Variants in CCDC149 observed in about 807,000 individuals in gnomAD.
The protein encoded by CCDC149 is coiled-coil domain containing 149.
A neutral mutation model predicts 59.9 loss-of-function variants in CCDC149; 45 were observed. The observed-to-expected ratio is 0.75, with a 90% CI of 0.59 to 0.96. The LOEUF (loss-of-function observed/expected upper bound fraction) is 0.96. CCDC149 is among the 40% of genes least tolerant of loss of function. The pLI is 0.00. For missense variants in CCDC149, 584 were observed against 664.7 expected (o/e 0.88, Z 1.33); for synonymous variants, 245 against 260.6 (o/e 0.94, Z 0.58).
rs1286497003 is a variant in CCDC149 at position 24,906,366 on chromosome 4, T to TTTTATTTTATTTTTATTTTATTTTA, written c.63+6450_63+6451insTAAAATAAAATAAAAATAAAATAAA. 1.4e-3 allele frequency among the ~76,000 whole-genome samples: 31 copies of TTTTATTTTATTTTTATTTTATTTTA among 22,046 alleles called. 3 individuals carry two copies. Among genetic ancestry groups the TTTTATTTTATTTTTATTTTATTTTA allele is most frequent in the South Asian group, 3.1e-3 (1 of 326 alleles). The allele number at this position is 22,046 out of a possible 152,430, so 14.5% of individuals were successfully genotyped here. A position where few individuals can be genotyped will look rare whatever the true frequency, so the allele number is the denominator to read the frequency against. On this transcript the variant is annotated intron_variant, in intron 1 of 12. Transcript: ENST00000635206. ...AGTAACTCAGGGGCAGCGGAACAAA[T>TTTTATTTTATTTTTATTTTATTTTA]TTTATTTTATTTTATTTTATTTTAT...
At chr4:24,934,726 A>G (rs1375918538) in intron 1 of CCDC149, among the ~76,000 whole-genome samples, 2 of 152,240 alleles carry the variant, frequency 1.3e-5, no homozygotes, top group Non-Finnish European at 2.9e-5. Context: ...AAGATGGTCT[A>G]GATGCACACT....
intron 3 of CCDC149, among the ~76,000 whole-genome samples, chr4:24,873,443 G>A (rs949904732): frequency 2.6e-5 from 4 of 152,192 alleles, no homozygotes; most frequent in African/African-American, 9.7e-5. Context: ...CTCCCATCAG[G>A]ATTCCCAACA....
At chr4:24,964,427 CAG>C (rs1334269568) in intron 1 of CCDC149, among the ~76,000 whole-genome samples, 2 of 152,062 alleles carry the variant, frequency 1.3e-5, no homozygotes, top group African/African-American at 4.8e-5. Flanking sequence ...AAACGAATGA[CAG>C]AAAAATCTGT....
At chr4:24,978,694 A>G (rs901712815) in intron 1 of CCDC149, among the ~76,000 whole-genome samples, 7 of 152,150 alleles carry the variant, frequency 4.6e-5, no homozygotes, top group African/African-American at 1.7e-4. Context: ...TCCTCCCACC[A>G]TTCGCCACCC....
At chr4:24,896,313 C>G (rs1256855294) in intron 1 of CCDC149, among the ~76,000 whole-genome samples, 2 of 152,106 alleles carry the variant, frequency 1.3e-5, no homozygotes, top group South Asian at 2.1e-4. Context: ...GACTGTATAC[C>G]CCAACTTTTG....
chr4:24,907,699 G>A (rs1721617574), intron 1 of CCDC149, among the ~76,000 whole-genome samples: 1 of 152,200 alleles, frequency 6.6e-6, no homozygotes, highest in African/African-American at 2.4e-5. Context: ...AGTCATGTTG[G>A]TTATAGTCAC....
chr4:24,903,024 CAAAAAAA>C (rs10646050), intron 1 of CCDC149, among the ~76,000 whole-genome samples: 29 of 52,500 alleles, frequency 5.5e-4, no homozygotes, highest in African/African-American at 1.5e-3. Context: ...GAGTCTAACT[CAAAAAAA>C]AAAAAAAAAA....
chr4:24,933,895 A>C (rs1722663037), intron 1 of CCDC149, among the ~76,000 whole-genome samples: 1 of 152,126 alleles, frequency 6.6e-6, no homozygotes, highest in Non-Finnish European at 1.5e-5. Context: ...TCCATGTGAC[A>C]CCAGTTGGAG....
chr4:24,951,262 T>A (rs1215396881), intron 1 of CCDC149, among the ~76,000 whole-genome samples: 1 of 152,236 alleles, frequency 6.6e-6, no homozygotes, highest in East Asian at 1.9e-4. Context: ...CCCGAATGTT[T>A]CCATTCAGAA....
At chr4:24,840,315 G>A (rs16876201) in intron 4 of CCDC149, among the ~76,000 whole-genome samples, 3,484 of 152,254 alleles carry the variant, frequency 0.023, 142 homozygotes, top group African/African-American at 0.079. Context: ...GATGCAGGAC[G>A]CTTAGATGTG....
intron 1 of CCDC149, among the ~76,000 whole-genome samples, chr4:24,965,667 G>A (rs2110458): frequency 0.021 from 3,221 of 152,268 alleles, 96 homozygotes; most frequent in African/African-American, 0.067. Flanking sequence ...CACTAAACAC[G>A]TACTTTAGAC....
chr4:24,912,846 C>T lies in CCDC149; in HGVS notation c.34G>A (p.Glu12Lys), dbSNP rs1193977657. ...CTCACCAGCCCCTGCCAGTCGCTCT[C>T]AGTCCGGTCGCCGTTCATGGCCTCC... The change falls in exon 1 of 13, where the codon GAG becomes AAG. Residue 12 changes from glutamate (E) to lysine (K), a missense_variant. Physicochemically the swap from Glu to Lys is moderately conservative, Grantham distance 56. Coordinates refer to ENST00000635206, the MANE Select transcript of CCDC149 (RefSeq NM_001330643.2). 2.2e-6 allele frequency: 3 copies of T among 1,380,782 alleles called. No homozygotes were observed. The East Asian group carries it at 1.1e-4, about 51-fold the overall frequency. 85.5% of individuals were successfully genotyped at this position (1,380,782 alleles called of 1,614,324 possible). A position where few individuals can be genotyped will look rare whatever the true frequency, so the allele number is the denominator to read the frequency against.
chr4:24,889,095 G>A (rs1193642192), intron 1 of CCDC149, among the ~76,000 whole-genome samples: 1 of 152,138 alleles, frequency 6.6e-6, no homozygotes, highest in African/African-American at 2.4e-5. Context: ...TGGGGGGTAT[G>A]TGAAATTCAC....
chr4:24,863,830 G>T (rs1577423844), intron 3 of CCDC149, among the ~76,000 whole-genome samples: 1 of 152,342 alleles, frequency 6.6e-6, no homozygotes, highest in East Asian at 1.9e-4. Flanking sequence ...ATTTAGGAAA[G>T]TTTTAGGCTA....
intron 1 of CCDC149, among the ~76,000 whole-genome samples, chr4:24,901,723 T>C (rs1428736976): frequency 6.6e-6 from 1 of 152,204 alleles, no homozygotes; most frequent in Non-Finnish European, 1.5e-5. Flanking sequence ...TGCACAGTTC[T>C]GAACAGAACC....
chr4:24,943,043 A>G (rs1476348911), intron 1 of CCDC149, among the ~76,000 whole-genome samples: 1 of 151,480 alleles, frequency 6.6e-6, no homozygotes, highest in Non-Finnish European at 1.5e-5. Context: ...ATTGGAAAAA[A>G]CTACTTTAAA....
intron 4 of CCDC149, among the ~76,000 whole-genome samples, chr4:24,848,962 T>C (rs1354158765): frequency 6.6e-6 from 1 of 152,166 alleles, no homozygotes; most frequent in Non-Finnish European, 1.5e-5. Flanking sequence ...GTTTCAGGCA[T>C]CCACTGGGGG....
chr4:24,884,843 T>C (rs1045908992), intron 1 of CCDC149, among the ~76,000 whole-genome samples: 2 of 152,200 alleles, frequency 1.3e-5, no homozygotes, highest in Admixed American at 1.3e-4. Flanking sequence ...ATTGTTATCA[T>C]GGAGGAGAGA....
chr4:24,869,311 C>T (rs188717362), intron 3 of CCDC149, among the ~76,000 whole-genome samples: 181 of 152,284 alleles, frequency 1.2e-3, no homozygotes, highest in African/African-American at 3.8e-3. Context: ...GTCACGCTTC[C>T]GCTTCTGAGG....
Sources: allele counts gnomAD v4.1 joint callset (sites outside exome capture counted in the v4.1 genomes callset), GRCh38; gene constraint gnomAD v4.1.1; transcripts MANE v1.5; gene names NCBI Gene and HGNC (gene_info 2026-07-23, HGNC 2026-07-21).